The following MEIOB variants were observed in gnomAD, a reference collection of about 807,000 sequenced individuals.
MEIOB encodes the protein meiosis-specific with OB domain-containing protein.
MEIOB carries 50 observed loss-of-function variants against 53.1 expected under a neutral mutation model. The observed-to-expected ratio is 0.94, with a 90% CI of 0.75 to 1.19. The LOEUF is 1.19. Ranked by LOEUF, MEIOB falls within the 50% of genes most tolerant of loss-of-function variation. The pLI is 0.00. For missense variants in MEIOB, 551 were observed against 550.8 expected (o/e 1.00, Z 0.00); for synonymous variants, 192 against 182.5 (o/e 1.05, Z -0.42).
chr16:1,837,762 T>C, intron 13 of MEIOB, 22 bp downstream of exon 13: 1 of 1,166,494 alleles, frequency 8.6e-7, no homozygotes, highest in Non-Finnish European at 1.2e-6. Flanking sequence ...TAGAATAATA[T>C]GGGACTATAA....
chr16:1,865,885 T>A (rs58422887), intron 2 of MEIOB, 50 bp from the exon 3 acceptor site: 164,047 of 1,281,394 alleles, frequency 0.13, 11,252 homozygotes, highest in East Asian at 0.19. Context: ...CAGATGTACT[T>A]GATAAATTTA....
chr16:1,860,475 A>G lies in MEIOB; in HGVS notation c.260T>C (p.Val87Ala). ...LSDSFRVGDC[V>A]IIENPLIQRK... ...TTGGATCAGAGGATTTTCAATTATC[A>G]CTAAAACAGAGGGCAAAGTATGATG... The change falls in exon 5 of 14, where the codon GTG (valine) becomes GCG (alanine). Residue 87 changes from valine (V) to alanine (A), a missense_variant and splice_region_variant. By Grantham distance (64) the Val-to-Ala change is moderately conservative (BLOSUM62 0). Coordinates refer to ENST00000325962, the MANE Select transcript of MEIOB (RefSeq NM_001163560.3). 1 of 1,529,736 alleles carries G rather than the reference A, an allele frequency of 6.5e-7. No homozygotes were observed. The highest frequency in any genetic ancestry group is 8.9e-7 in the Non-Finnish European group (1 of 1,127,984). 94.8% of individuals were successfully genotyped at this position (1,529,736 alleles called of 1,614,324 possible). A position where few individuals can be genotyped will look rare whatever the true frequency, so the allele number is the denominator to read the frequency against.
chr16:1,859,124 G>C (rs1023079541), intron 5 of MEIOB, among the ~76,000 whole-genome samples: 10 of 152,192 alleles, frequency 6.6e-5, no homozygotes, highest in Non-Finnish European at 1.2e-4. Context: ...GACCATTAGC[G>C]CTACCACAAA....
intron 3 of MEIOB, among the ~76,000 whole-genome samples, chr16:1,865,482 C>T (rs971262986): frequency 9.1e-4 from 5 of 5,506 alleles, no homozygotes; most frequent in African/African-American, 3.2e-3. Flanking sequence ...TATACACACA[C>T]GTGTACACAC....
intron 9 of MEIOB, among the ~76,000 whole-genome samples, chr16:1,848,375 T>C (rs11642885): frequency 0.18 from 26,627 of 152,066 alleles, 2,482 homozygotes; most frequent in South Asian, 0.26. Flanking sequence ...GCATCATCTA[T>C]GATAACTAGG....
At chr16:1,839,787 G>C (rs942575349) in intron 11 of MEIOB, 21 of 189,080 alleles carry the variant, frequency 1.1e-4, no homozygotes, top group African/African-American at 4.7e-4. Flanking sequence ...CAGAGTGCAC[G>C]CCTCAGGACT....
intron 11 of MEIOB, chr16:1,840,049 C>T (rs1271120283): frequency 6.6e-6 from 1 of 152,154 alleles, no homozygotes; most frequent in Non-Finnish European, 1.5e-5. Flanking sequence ...CTGAAGCAAG[C>T]CTTACTTTAG....
At chr16:1,868,689 A>G (rs1899656227) in intron 1 of MEIOB, among the ~76,000 whole-genome samples, 1 of 151,978 alleles carries the variant, frequency 6.6e-6, no homozygotes, top group Non-Finnish European at 1.5e-5. Flanking sequence ...CCCCGTCTCT[A>G]CTAAAAATAC....
At chr16:1,837,756 A>G (rs1475254866) in intron 13 of MEIOB, 28 bp downstream of exon 13, 1 of 1,117,264 alleles carries the variant, frequency 9.0e-7, no homozygotes, top group Non-Finnish European at 1.3e-6. Flanking sequence ...AATATATAGA[A>G]TAATATGGGA....
chr16:1,841,714 C>A lies in MEIOB; in HGVS notation c.1034+106G>T, dbSNP rs532672987. 18 of 748,750 alleles carry A rather than the reference C, an allele frequency of 2.4e-5. No individual in the cohort carries two copies. In the South Asian group the frequency reaches 5.6e-4, roughly 23 times the overall value. The allele number at this position is 748,750 out of a possible 1,614,324, so 46.4% of individuals were successfully genotyped here. On this transcript the variant is annotated intron_variant, in intron 11 of 13. Coordinates refer to ENST00000325962, the MANE Select transcript of MEIOB (RefSeq NM_001163560.3). ...TACACATTTATCTCCAATACATAACCCCTGTTACATCAACAAACAGCTTTA... is the reference window on the plus strand; with the variant it reads ...TACACATTTATCTCCAATACATAACACCTGTTACATCAACAAACAGCTTTA...
Position 1,834,384 on chromosome 16 carries a change from A to T in MEIOB, c.1306-18T>A. The T allele has an allele frequency of 1.5e-6, 2 of 1,310,588 alleles. No individual in the cohort carries two copies. The highest frequency in any genetic ancestry group is 2.2e-6 in the Non-Finnish European group (2 of 915,258). The allele number at this position is 1,310,588 out of a possible 1,614,324, so 81.2% of individuals were successfully genotyped here. A position where few individuals can be genotyped will look rare whatever the true frequency, so the allele number is the denominator to read the frequency against. On this transcript the variant is annotated intron_variant, in intron 13 of 13. Coordinates refer to ENST00000325962, the MANE Select transcript of MEIOB (RefSeq NM_001163560.3). ...AGAACGAACTGCGAGGAGAAACAGA[A>T]AAAGAGACAAAAGGTTAATTTTTAA...
intron 11 of MEIOB, chr16:1,840,978 T>C (rs1898891058): frequency 6.6e-6 from 1 of 151,774 alleles, no homozygotes; most frequent in African/African-American, 2.4e-5. Flanking sequence ...TAGCTAAGAG[T>C]ATTAAATCTA....
Position 1,834,256 on chromosome 16 carries a change from T to C in MEIOB, c.1416A>G (p.Ter472=). 1.3e-6 allele frequency: 2 copies of C among 1,561,862 alleles called. No homozygotes were observed. Among genetic ancestry groups the C allele is most frequent in the Non-Finnish European group, 1.8e-6 (2 of 1,134,100 alleles). The change falls in exon 14 of 14, where the codon TAA becomes TAG. Residue 472 remains the stop codon, a stop_retained_variant. Coordinates refer to ENST00000325962, the MANE Select transcript of MEIOB (RefSeq NM_001163560.3). The stretch of plus-strand genomic sequence containing the variant: ...CCAGAGTTCAAAATGATAGACCGTT[T>C]TAAACATGTTTTTGTCCAGACAAGT... ...SRNLSGQKHV[*] is the part of the protein sequence containing the mutation.
chr16:1,838,368 A>G (rs1424035296), intron 12 of MEIOB, among the ~76,000 whole-genome samples: 1 of 152,210 alleles, frequency 6.6e-6, no homozygotes, highest in Non-Finnish European at 1.5e-5. Flanking sequence ...AAAGGTAATC[A>G]GGTATCTCAG....
intron 13 of MEIOB, among the ~76,000 whole-genome samples, chr16:1,836,640 T>C (rs1898756518): frequency 2.0e-5 from 3 of 151,868 alleles, no homozygotes; most frequent in Admixed American, 6.6e-5. Context: ...GTCTGCAAAC[T>C]ATTCAGATGT....
chr16:1,851,331 G>A (rs1424493970), intron 9 of MEIOB, among the ~76,000 whole-genome samples: 1 of 152,106 alleles, frequency 6.6e-6, no homozygotes, highest in Non-Finnish European at 1.5e-5. Context: ...TCAAGTCTTT[G>A]CTCAAACGTC....
chr16:1,869,449 T>C (rs1899676181), intron 1 of MEIOB, among the ~76,000 whole-genome samples: 1 of 151,706 alleles, frequency 6.6e-6, no homozygotes, highest in Non-Finnish European at 1.5e-5. Flanking sequence ...GATGATTCAA[T>C]AGGACATTTT....
In MEIOB at chr16:1,854,184, T is replaced by C. The variant is rs1899241183; in HGVS notation, c.545A>G (p.Tyr182Cys). ...AAVKSVGEPK[Y>C]FTTSDRRKGQ... ...TTTTCTCCGGTCTGAAGTTGTAAAG[T>C]ATTTTGGCTCTCCAACCTTAGAAAT... is the stretch of plus-strand genomic sequence containing the variant. Residue 182 changes from tyrosine (Y) to cysteine (C), a missense_variant, in exon 7 of 14, where the codon TAC (tyrosine) becomes TGC (cysteine). Coordinates refer to ENST00000325962, the MANE Select transcript of MEIOB (RefSeq NM_001163560.3). 1.3e-6 allele frequency: 2 copies of C among 1,545,732 alleles called. No individual in the cohort carries two copies. The highest frequency in any genetic ancestry group is 2.0e-5 in the Admixed American group (1 of 50,656).
chr16:1,841,419 A>T (rs1244856910), intron 11 of MEIOB, among the ~76,000 whole-genome samples: 1 of 152,066 alleles, frequency 6.6e-6, no homozygotes, highest in Non-Finnish European at 1.5e-5. Context: ...GGCTCAACCG[A>T]TCCTCCCACC....
Sources: gnomAD v4.1 joint callset for allele counts (sites outside exome capture counted in the v4.1 genomes callset) on GRCh38, gnomAD v4.1.1 for gene constraint, MANE v1.5 for transcripts, NCBI Gene and HGNC (gene_info 2026-07-23, HGNC 2026-07-21) for gene names.